Variants in EBF4 observed in about 807,000 individuals in gnomAD.
EBF4 encodes the protein transcription factor COE4.
EBF4 carries 34 observed loss-of-function variants against 67.1 expected under a neutral mutation model. The observed-to-expected ratio is 0.51, with a 90% CI of 0.39 to 0.67. EBF4 has a LOEUF of 0.67. Among genes scored for constraint, EBF4 ranks in the 30% least tolerant of loss-of-function variants. EBF4 has a pLI of 0.00. For synonymous variants in EBF4, 387 were observed against 377.7 expected, an observed-to-expected ratio of 1.02 and a Z score of -0.29; for missense variants, 837 against 873.3, an observed-to-expected ratio of 0.96 and a Z score of 0.52.
At chr20:2,749,748 A>G (rs2146498256) in exon 9 of EBF4, 1 of 1,535,702 alleles carries the variant, frequency 6.5e-7, no homozygotes, top group Non-Finnish European at 8.8e-7. Context: ...GCTCGTGTGG[A>G]GCGAGGTGGG....
At position 2,707,843 on chromosome 20, in the gene EBF4, T is replaced by A. The variant is rs2087480207; in HGVS notation, c.415-104T>A. On this transcript the variant is annotated intron_variant, in intron 4 of 16. Coordinates refer to ENST00000609451, the Ensembl canonical transcript of EBF4. This position sits in a 1 kb window ranked among gnomAD's most constrained non-coding sequence, Gnocchi z 4.6. ...GGGCGTGCTCTTCCCTGGGGCAGGG[T>A]CTCCCTGGGCCTAGGCTTGGGAGAT... 3.5e-6 allele frequency: 4 copies of A among 1,153,454 alleles called. No homozygotes were observed. In the South Asian group the frequency reaches 5.2e-5, roughly 15 times the overall value. The allele number at this position is 1,153,454 out of a possible 1,614,324, so 71.5% of individuals were successfully genotyped here. A position where few individuals can be genotyped will look rare whatever the true frequency, so the allele number is the denominator to read the frequency against.
rs942986094 is a variant in EBF4 at position 2,745,730 on chromosome 20, G to A, written c.558-2819G>A. On this transcript the variant is annotated intron_variant, in intron 6 of 16. Transcript: ENST00000609451. The surrounding 1 kb of genome is among the most constrained non-coding windows in gnomAD (Gnocchi z 5.2). Reference sequence around the variant, plus strand: ...CAGAGGCAGGACTAGAAGGTGTCACGGCAGCCGTCAATCGCTACTCTCCCT... The same window carrying A: ...CAGAGGCAGGACTAGAAGGTGTCACAGCAGCCGTCAATCGCTACTCTCCCT... 6.6e-6 allele frequency among the ~76,000 whole-genome samples: 1 copy of A among 152,152 alleles called. No homozygotes were observed. Among genetic ancestry groups the A allele is most frequent in the South Asian group, 2.1e-4 (1 of 4,824 alleles).
chr20:2,694,048 A>G (rs1427226566), intron 1 of EBF4, among the ~76,000 whole-genome samples: 1 of 152,186 alleles, frequency 6.6e-6, no homozygotes, highest in Non-Finnish European at 1.5e-5. Context: ...ACGCCACCCC[A>G]GCCGGGCTGT....
In EBF4 at chr20:2,735,603, T is replaced by C. The variant is rs2087867004; in HGVS notation, c.558-12946T>C. ...CAAAGTCCTGTCCCTGTAATTGTTA[T>C]TTCTTACCTGGGCACAAGTTAAAAG... On this transcript the variant is annotated intron_variant, in intron 6 of 16. Transcript: ENST00000609451. Among the ~76,000 whole-genome samples the C allele has an allele frequency of 2.0e-5, 3 of 152,224 alleles. No homozygotes were observed. In the South Asian group the frequency reaches 6.2e-4, roughly 32 times the overall value.
At chr20:2,722,312 A>G (rs1190240724) in intron 6 of EBF4, among the ~76,000 whole-genome samples, 1 of 151,702 alleles carries the variant, frequency 6.6e-6, no homozygotes, top group Non-Finnish European at 1.5e-5. Context: ...TGCCCTATGA[A>G]TTACGAGGTG....
chr20:2,697,790 C>T (rs1446015890), intron 1 of EBF4, among the ~76,000 whole-genome samples: 2 of 152,184 alleles, frequency 1.3e-5, no homozygotes, highest in East Asian at 3.9e-4. Context: ...GACTCAAGTC[C>T]TCCTGCTGGC....
intron 2 of EBF4, 21 bp from the exon 3 acceptor site, chr20:2,705,953 C>T (rs2087450612): frequency 1.3e-6 from 2 of 1,549,908 alleles, no homozygotes; most frequent in African/African-American, 2.7e-5. Flanking sequence ...ACCCGAGCAT[C>T]CTCCCATCTT....
exon 3 of EBF4, chr20:2,705,978 C>T: frequency 1.3e-6 from 2 of 1,551,408 alleles, no homozygotes; most frequent in East Asian, 4.9e-5. Context: ...CTGCAGGAGC[C>T]CGGGGCGGAA....
chr20:2,700,742 C>T (rs1247397930), intron 1 of EBF4, among the ~76,000 whole-genome samples: 2 of 135,528 alleles, frequency 1.5e-5, no homozygotes, highest in Admixed American at 7.7e-5. Context: ...TGTAATCTCC[C>T]CTTCCCCTTC....
In EBF4 at chr20:2,693,666, T is replaced by C; in HGVS notation, c.21T>C (p.Ala7=). The C allele has an allele frequency of 1.4e-6, 2 of 1,445,980 alleles. No homozygotes were observed. The highest frequency in any genetic ancestry group is 1.8e-6 in the Non-Finnish European group (2 of 1,105,780). The allele number at this position is 1,445,980 out of a possible 1,614,324, so 89.6% of individuals were successfully genotyped here. ...CCCTCATGTTCCCTGCGCAGGACGC[T>C]CTGCCCCGCAGCGGGCTGAACCTGA... The change falls in exon 1 of 17, where the codon GCT becomes GCC. Residue 7 remains alanine (A), a synonymous_variant. Transcript: ENST00000609451. The surrounding 1 kb of genome is among the most constrained non-coding windows in gnomAD (Gnocchi z 4.6).
At chr20:2,708,254 G>A (rs2087487920) in intron 5 of EBF4, among the ~76,000 whole-genome samples, 1 of 152,234 alleles carries the variant, frequency 6.6e-6, no homozygotes, top group South Asian at 2.1e-4. Flanking sequence ...TTCTCCGAGT[G>A]TTTTTGTAAG....
chr20:2,700,388 C>G (rs986749528), intron 1 of EBF4, among the ~76,000 whole-genome samples: 1 of 152,170 alleles, frequency 6.6e-6, no homozygotes, highest in Non-Finnish European at 1.5e-5. Context: ...TTCTCTCCCC[C>G]TTTCTTTCTT....
At chr20:2,759,427 C>T (rs41304818), downstream of EBF4, 261 of 215,776 alleles carry the variant, frequency 1.2e-3, 1 homozygote, top group Admixed American at 5.7e-3. Flanking sequence ...CAAGCCTCCC[C>T]GCTAGCAGCC....
In EBF4 at chr20:2,707,882, G is replaced by T; in HGVS notation, c.415-65G>T. 2.7e-6 allele frequency: 4 copies of T among 1,472,228 alleles called. No homozygotes were observed. Among genetic ancestry groups the T allele is most frequent in the Non-Finnish European group, 3.7e-6 (4 of 1,088,766 alleles). The allele number at this position is 1,472,228 out of a possible 1,614,324, so 91.2% of individuals were successfully genotyped here. A position where few individuals can be genotyped will look rare whatever the true frequency, so the allele number is the denominator to read the frequency against. On this transcript the variant is annotated intron_variant, in intron 4 of 16. Transcript: ENST00000609451. The surrounding 1 kb of genome is among the most constrained non-coding windows in gnomAD (Gnocchi z 4.6). Reference sequence around the variant, plus strand: ...GGCTTGGGAGATGCCAGGTCCGTCTGTGCTGCCACCTGCACCTCAGAGGAG... The same window carrying T: ...GGCTTGGGAGATGCCAGGTCCGTCTTTGCTGCCACCTGCACCTCAGAGGAG...
intron 6 of EBF4, among the ~76,000 whole-genome samples, chr20:2,744,516 G>C (rs1342415642): frequency 1.1e-5 from 1 of 92,444 alleles, no homozygotes; most frequent in Non-Finnish European, 1.9e-5. Flanking sequence ...TTTTGAGACA[G>C]GGTCTCACTC....
intron 1 of EBF4, among the ~76,000 whole-genome samples, chr20:2,695,634 G>A (rs2087277689): frequency 6.6e-6 from 1 of 152,160 alleles, no homozygotes; most frequent in South Asian, 2.1e-4. Flanking sequence ...GTCCCAGAGG[G>A]AGCTGCCTCA....
At chr20:2,719,343 C>T (rs1373159292) in intron 6 of EBF4, among the ~76,000 whole-genome samples, 6 of 152,104 alleles carry the variant, frequency 3.9e-5, no homozygotes, top group South Asian at 4.1e-4. Context: ...GGCGCAATCT[C>T]GGCTCACTGC....
intron 6 of EBF4, among the ~76,000 whole-genome samples, chr20:2,710,419 G>A (rs984254792): frequency 7.2e-5 from 11 of 152,046 alleles, no homozygotes; most frequent in Admixed American, 1.3e-4. Context: ...CAAAGTGCTG[G>A]GATTACAAAC....
exon 9 of EBF4, chr20:2,749,741 C>T: frequency 6.5e-7 from 1 of 1,541,446 alleles, no homozygotes; most frequent in Non-Finnish European, 8.8e-7. Flanking sequence ...GAAACGTGCT[C>T]GTGTGGAGCG....
Sources: allele counts gnomAD v4.1 joint callset (sites outside exome capture counted in the v4.1 genomes callset), GRCh38; gene constraint gnomAD v4.1.1; non-coding constraint Gnocchi (gnomAD v3.1); transcripts MANE v1.5; gene names NCBI Gene and HGNC (gene_info 2026-07-23, HGNC 2026-07-21).